Variants in RRM2 observed in about 807,000 individuals in gnomAD.
RRM2 encodes ribonucleotide reductase regulatory subunit M2.
A neutral mutation model predicts 45.9 loss-of-function variants in RRM2; 6 were observed. The ratio of observed to expected loss-of-function variants is 0.13; its 90% confidence interval spans 0.07 to 0.26. RRM2 has a LOEUF of 0.26. RRM2 is among the 10% of genes least tolerant of loss of function. RRM2 has a pLI of 1.00. For synonymous variants in RRM2, 177 were observed against 173.0 expected (o/e 1.02, Z -0.18); for missense variants, 343 against 489.5 (o/e 0.70, Z 2.82).
intron 4 of RRM2, chr2:10,124,105 CCT>C (rs1450144949): frequency 1.4e-5 from 6 of 419,556 alleles, no homozygotes; most frequent in African/African-American, 8.1e-5. Flanking sequence ...ACATCTGCCC[CCT>C]CTTTTTTTTT....
At chr2:10,139,991 G>A (rs1256367400), upstream of RRM2, among the ~76,000 whole-genome samples, 1 of 152,228 alleles carries the variant, frequency 6.6e-6, no homozygotes, top group African/African-American at 2.4e-5. Context: ...TCTCATGCCT[G>A]TAATCCCAGC....
At position 10,207,592 on chromosome 2, in the gene RRM2, G is replaced by A. The variant is rs141476953; in HGVS notation, n.483-2719G>A. ...GGCCCCTCATGGGTGCCATCATTTT[G>A]CCCACATAGGCTCTTGTCTGTGCTG... On this transcript the variant is annotated intron_variant and non_coding_transcript_variant, in intron 3 of 3. Coordinates refer to the RRM2 transcript ENST00000381786. 1.2e-3 allele frequency among the ~76,000 whole-genome samples: 188 copies of A among 152,176 alleles called. 1 individual carries two copies. The highest frequency in any genetic ancestry group is 4.3e-3 in the African/African-American group (179 of 41,518).
At chr2:10,150,690 T>A (rs1465251268) in intron 3 of RRM2, among the ~76,000 whole-genome samples, 1 of 151,000 alleles carries the variant, frequency 6.6e-6, no homozygotes, top group Non-Finnish European at 1.5e-5. Context: ...CACTCCCATT[T>A]TCAGACAAAC....
intron 3 of RRM2, among the ~76,000 whole-genome samples, chr2:10,186,017 A>T (rs576678610): frequency 6.6e-6 from 1 of 152,370 alleles, no homozygotes; most frequent in African/African-American, 2.4e-5. Context: ...GAGCTAGCCT[A>T]AATTCGGCAG....
rs1019235811 is a variant in RRM2, at chr2:10,163,913, G to C, written n.482+21538G>C. Among the ~76,000 whole-genome samples the C allele has an allele frequency of 1.8e-4, 27 of 152,324 alleles. 1 individual carries two copies. Among genetic ancestry groups the C allele is most frequent in the East Asian group, 1.5e-3 (8 of 5,188 alleles). ...CTCTGAATCAGCTTCCCATGAAAAA[G>C]ATGACAGGAATGCCCGTTGTTCTTC... On this transcript the variant is annotated intron_variant and non_coding_transcript_variant, in intron 3 of 3. Transcript: ENST00000381786.
intron 3 of RRM2, among the ~76,000 whole-genome samples, chr2:10,190,340 G>C (rs1367547272): frequency 1.4e-5 from 2 of 145,048 alleles, no homozygotes; most frequent in Non-Finnish European, 3.0e-5. Context: ...GGTGATGATG[G>C]TGGTGAGGAT....
chr2:10,187,273 C>T (rs1664190253), intron 3 of RRM2, among the ~76,000 whole-genome samples: 1 of 152,236 alleles, frequency 6.6e-6, no homozygotes, highest in Admixed American at 6.5e-5. Flanking sequence ...TGGATAGCTG[C>T]AGCCCAGTTG....
rs1332386551 is a variant in RRM2, at chr2:10,205,877, A to G, written n.483-4434A>G. Among the ~76,000 whole-genome samples the G allele has an allele frequency of 1.3e-5, 2 of 151,932 alleles. No homozygotes were observed. Among genetic ancestry groups the G allele is most frequent in the Non-Finnish European group, 2.9e-5 (2 of 67,984 alleles). Reference sequence around the variant, plus strand: ...TGGATAATTTTTGTATTTTTAGTGGAGACGAGGTTTTCACCACGTTGACCA... The same window carrying G: ...TGGATAATTTTTGTATTTTTAGTGGGGACGAGGTTTTCACCACGTTGACCA... On this transcript the variant is annotated intron_variant and non_coding_transcript_variant, in intron 3 of 3. Transcript: ENST00000381786. This position sits in a 1 kb window ranked among gnomAD's most constrained non-coding sequence, Gnocchi z 4.8.
chr2:10,180,297 C>T (rs1664019980), intron 3 of RRM2, among the ~76,000 whole-genome samples: 1 of 152,244 alleles, frequency 6.6e-6, no homozygotes, highest in South Asian at 2.1e-4. Context: ...AATAACTTCG[C>T]TGTGAGCCTG....
Position 10,155,840 on chromosome 2 carries a change from C to T in RRM2, n.482+13465C>T, listed in dbSNP as rs547742772. On this transcript the variant is annotated intron_variant and non_coding_transcript_variant, in intron 3 of 3. Transcript: ENST00000381786. ...AGCGCTGAGTCAGGGTTACCTGGCTCCACTGTGCCCCTAGCGAGGTGAAAG... is the reference window on the plus strand; with the variant it reads ...AGCGCTGAGTCAGGGTTACCTGGCTTCACTGTGCCCCTAGCGAGGTGAAAG... The T allele has an allele frequency of 5.9e-5, 9 of 152,362 alleles. No homozygotes were observed. The East Asian group carries it at 1.5e-3, about 26-fold the overall frequency. The allele number at this position is 152,362 out of a possible 1,614,324, so 9.4% of individuals were successfully genotyped here. A position where few individuals can be genotyped will look rare whatever the true frequency, so the allele number is the denominator to read the frequency against.
At chr2:10,142,738 G>A (rs1663111497) in intron 3 of RRM2, among the ~76,000 whole-genome samples, 1 of 152,170 alleles carries the variant, frequency 6.6e-6, no homozygotes, top group South Asian at 2.1e-4. Context: ...GTCTCGGGCA[G>A]CACCTCAGAC....
rs70948874 is a variant in RRM2 at position 10,154,691 on chromosome 2, C to CTTT, written n.482+12335_482+12337dup. Among the ~76,000 whole-genome samples, 628 of 95,648 alleles carry CTTT rather than the reference C, an allele frequency of 6.6e-3. 15 individuals carry two copies. The highest frequency in any genetic ancestry group is 0.013 in the African/African-American group (313 of 23,552). The allele number at this position is 95,648 out of a possible 152,430, so 62.7% of individuals were successfully genotyped here. ...TGTCTCCACAGAGTAAGTCCTGATT[C>CTTT]TTTTTTTTTTTTTTTTTTTTTGAGA... is the stretch of plus-strand genomic sequence containing the variant. On this transcript the variant is annotated intron_variant and non_coding_transcript_variant, in intron 3 of 3. Transcript: ENST00000381786.
At chr2:10,167,928 A>G (rs1663716769) in intron 3 of RRM2, among the ~76,000 whole-genome samples, 1 of 151,896 alleles carries the variant, frequency 6.6e-6, no homozygotes, top group Non-Finnish European at 1.5e-5. Flanking sequence ...CATGCAAACT[A>G]TAGTGTCAGG....
chr2:10,173,025 C>A (rs1165758640), intron 3 of RRM2, among the ~76,000 whole-genome samples: 2 of 152,206 alleles, frequency 1.3e-5, no homozygotes, highest in African/African-American at 4.8e-5. Context: ...CCCTTCTTCT[C>A]ACAGCACTCG....
intron 3 of RRM2, among the ~76,000 whole-genome samples, chr2:10,192,998 C>A (rs1052210213): frequency 2.0e-5 from 3 of 152,218 alleles, no homozygotes; most frequent in African/African-American, 7.2e-5. Flanking sequence ...GGAGGCCACA[C>A]CCTCACACAG....
At chr2:10,194,943 T>C (rs1343722549) in intron 3 of RRM2, among the ~76,000 whole-genome samples, 1 of 152,170 alleles carries the variant, frequency 6.6e-6, no homozygotes, top group Non-Finnish European at 1.5e-5. Context: ...CCTCTCGGCG[T>C]CTCCGTTCTC....
At chr2:10,153,593 A>G (rs1663362726) in intron 3 of RRM2, among the ~76,000 whole-genome samples, 1 of 152,170 alleles carries the variant, frequency 6.6e-6, no homozygotes, top group African/African-American at 2.4e-5. Flanking sequence ...CTCTAGGAAA[A>G]AAAGAGGAAA....
In RRM2 at chr2:10,122,913, G is replaced by A. The variant is rs1332079514; in HGVS notation, c.99+16G>A. ...GGAGAACACGGTGAGCCCGCGGGGA[G>A]GGCGCTGCGGGCAGGGGAGGGAGGC... is the stretch of plus-strand genomic sequence containing the variant. On this transcript the variant is annotated intron_variant, in intron 1 of 9. Coordinates refer to ENST00000304567, the MANE Select transcript of RRM2 (RefSeq NM_001034.4). 50 of 1,562,718 alleles carry A rather than the reference G, an allele frequency of 3.2e-5. No homozygotes were observed. The highest frequency in any genetic ancestry group is 4.1e-5 in the Non-Finnish European group (47 of 1,156,652).
At chr2:10,153,371 G>A (rs945679441) in intron 3 of RRM2, among the ~76,000 whole-genome samples, 9 of 152,086 alleles carry the variant, frequency 5.9e-5, no homozygotes, top group African/African-American at 1.7e-4. Flanking sequence ...ATACAAAGAT[G>A]TTTTCTTCTA....
Sources: allele counts gnomAD v4.1 joint callset (sites outside exome capture counted in the v4.1 genomes callset), GRCh38; gene constraint gnomAD v4.1.1; non-coding constraint Gnocchi (gnomAD v3.1); transcripts MANE v1.5; gene names NCBI Gene and HGNC (gene_info 2026-07-23, HGNC 2026-07-21).